LRP12: variants seen among roughly 807,000 people sequenced by gnomAD.
LRP12 encodes LDL receptor related protein 12, also known as low-density lipoprotein receptor-related protein 12.
Under a neutral mutation model 66.0 loss-of-function variants are expected in LRP12, and 14 were observed. The observed-to-expected ratio is 0.21, with a 90% CI of 0.14 to 0.33. The LOEUF is 0.33. LRP12 is among the 10% of genes least tolerant of loss of function. The pLI is 1.00. For synonymous variants in LRP12, 357 were observed against 359.1 expected (o/e 0.99, Z 0.07); for missense variants, 889 against 1,053.4 (o/e 0.84, Z 2.16).
At chr8:104,492,063 C>G (rs1171005360) in intron 6 of LRP12, among the ~76,000 whole-genome samples, 3 of 151,252 alleles carry the variant, frequency 2.0e-5, no homozygotes, top group Non-Finnish European at 2.9e-5. Context: ...AGAGTTGGTT[C>G]TCAAGCATTT....
intron 2 of LRP12, among the ~76,000 whole-genome samples, chr8:104,520,143 T>C (rs1172721090): frequency 6.6e-6 from 1 of 151,998 alleles, no homozygotes; most frequent in Non-Finnish European, 1.5e-5. Context: ...TGGAACTAAC[T>C]AGCCAGCTTC....
rs533372294 is a variant in LRP12, at chr8:104,536,011, T to G, written c.80-4048A>C. 2.0e-5 allele frequency among the ~76,000 whole-genome samples: 3 copies of G among 152,220 alleles called. No individual in the cohort carries two copies. In the South Asian group the frequency reaches 6.2e-4, roughly 32 times the overall value. ...CAGCTTCCTACAATTTCTTTTCTAC[T>G]GCTCAGTGAGAATAGTTATCAAATA... On this transcript the variant is annotated intron_variant, in intron 1 of 6. Transcript: ENST00000276654.
chr8:104,511,886 AGT>A (rs1811004244), intron 2 of LRP12, among the ~76,000 whole-genome samples: 1 of 151,938 alleles, frequency 6.6e-6, no homozygotes, highest in African/African-American at 2.4e-5. Context: ...GCCAAGGCAT[AGT>A]CAAAGCTTCT....
intron 1 of LRP12, among the ~76,000 whole-genome samples, chr8:104,550,813 G>T (rs1811713967): frequency 6.6e-6 from 1 of 152,202 alleles, no homozygotes; most frequent in African/African-American, 2.4e-5. Flanking sequence ...TTTGCTGAAT[G>T]TATAAATAAA....
rs1484618331 is a variant in LRP12 at position 104,547,715 on chromosome 8, T to C, written c.80-15752A>G. 2.6e-4 allele frequency among the ~76,000 whole-genome samples: 33 copies of C among 127,632 alleles called. 1 individual carries two copies. In the South Asian group the frequency reaches 3.3e-3, roughly 13 times the overall value. 83.7% of individuals were successfully genotyped at this position (127,632 alleles called of 152,430 possible). A position where few individuals can be genotyped will look rare whatever the true frequency, so the allele number is the denominator to read the frequency against. ...AAATCATATATTATATATAATTCTA[T>C]ATTATGTTATATTTTGTATATAATA... On this transcript the variant is annotated intron_variant, in intron 1 of 6. Transcript: ENST00000276654.
chr8:104,567,356 C>G (rs919638078), intron 1 of LRP12, among the ~76,000 whole-genome samples: 1 of 152,080 alleles, frequency 6.6e-6, no homozygotes, highest in Non-Finnish European at 1.5e-5. Context: ...GTGGAAACCC[C>G]TCATAAACAC....
chr8:104,532,001 T>A, intron 1 of LRP12, 38 bp from the exon 2 acceptor site: 1 of 1,403,030 alleles, frequency 7.1e-7, no homozygotes, highest in South Asian at 1.3e-5. Flanking sequence ...ATATCCAAGA[T>A]AAAATTACAA....
At chr8:104,538,396 C>A (rs1250327841) in intron 1 of LRP12, among the ~76,000 whole-genome samples, 1 of 152,100 alleles carries the variant, frequency 6.6e-6, no homozygotes, top group East Asian at 1.9e-4. Flanking sequence ...AACACAACCA[C>A]CACAACCCAA....
chr8:104,556,992 A>G (rs1227778947), intron 1 of LRP12, among the ~76,000 whole-genome samples: 1 of 152,228 alleles, frequency 6.6e-6, no homozygotes. Context: ...CACCACATAA[A>G]CAAAAATTAA....
At chr8:104,533,417 A>C (rs1455433658) in intron 1 of LRP12, among the ~76,000 whole-genome samples, 1 of 152,122 alleles carries the variant, frequency 6.6e-6, no homozygotes, top group Admixed American at 6.6e-5. Context: ...GCTACTCACG[A>C]GTAGACTAGC....
intron 1 of LRP12, among the ~76,000 whole-genome samples, chr8:104,548,266 GATATATATTATATTAATATATCAT>G (rs1811645713): frequency 1.1e-5 from 1 of 88,498 alleles, no homozygotes; most frequent in African/African-American, 5.1e-5. Flanking sequence ...ATTAATATAT[GATATATATTATATTAATATATCAT>G]ATATTTATAT....
rs1345183893 is a variant in LRP12 at position 104,496,977 on chromosome 8, T to C, written c.1575A>G (p.Glu525=). 6 of 1,521,466 alleles carry C rather than the reference T, an allele frequency of 3.9e-6. No individual in the cohort carries two copies. The highest frequency in any genetic ancestry group is 5.3e-6 in the Non-Finnish European group (6 of 1,135,524). 94.2% of individuals were successfully genotyped at this position (1,521,466 alleles called of 1,614,324 possible). The part of the protein sequence containing the change: ...TCKLYSLRMF[E]RRSFETQLSR... ...AGTTCTGTCTTGATACTGACCTTCT[T>C]TCAAACATTCTCAGAGAATAAAGCT... The change falls in exon 5 of 7, where the codon GAA becomes GAG. Residue 525 remains glutamate, a synonymous_variant. Coordinates refer to ENST00000276654, the MANE Select transcript of LRP12 (RefSeq NM_013437.5).
At chr8:104,537,570 T>C (rs1366145940) in intron 1 of LRP12, among the ~76,000 whole-genome samples, 1 of 151,952 alleles carries the variant, frequency 6.6e-6, no homozygotes, top group Non-Finnish European at 1.5e-5. Flanking sequence ...ACCTTAGGAG[T>C]AGAGCTAACT....
At chr8:104,544,608 G>C (rs1811528783) in intron 1 of LRP12, among the ~76,000 whole-genome samples, 1 of 152,046 alleles carries the variant, frequency 6.6e-6, no homozygotes, top group African/African-American at 2.4e-5. Context: ...AAAATCCTAG[G>C]GCCCTTAGGA....
chr8:104,547,138 A>G (rs1165044619), intron 1 of LRP12, among the ~76,000 whole-genome samples: 1 of 144,846 alleles, frequency 6.9e-6, no homozygotes, highest in African/African-American at 2.5e-5. Context: ...TTTGTATATA[A>G]TATACAATTC....
At chr8:104,539,678 A>G (rs1282355725) in intron 1 of LRP12, among the ~76,000 whole-genome samples, 8 of 152,188 alleles carry the variant, frequency 5.3e-5, no homozygotes, top group African/African-American at 1.9e-4. Context: ...ATTATGCAAA[A>G]TAATATTTCC....
intron 1 of LRP12, among the ~76,000 whole-genome samples, chr8:104,544,427 T>C (rs34155810): frequency 0.069 from 10,524 of 152,282 alleles, 419 homozygotes; most frequent in South Asian, 0.08. Context: ...AGATTCTCAA[T>C]GTAGATGAAA....
rs530345326 is a variant in LRP12, at chr8:104,518,670, TTATC to T, written c.137-9600_137-9597del. On this transcript the variant is annotated intron_variant, in intron 2 of 6. Transcript: ENST00000276654. The stretch of plus-strand genomic sequence containing the variant: ...AGATTGATTCCTTATTTGCTACACA[TTATC>T]TAAGAACTACAGGCAGAACTGACCA... 5.9e-5 allele frequency among the ~76,000 whole-genome samples: 9 copies of T among 152,192 alleles called. No homozygotes were observed. The East Asian group carries it at 1.5e-3, about 26-fold the overall frequency.
chr8:104,509,128 A>G (rs1311949148), intron 2 of LRP12, 54 bp from the exon 3 acceptor site: 1 of 1,516,118 alleles, frequency 6.6e-7, no homozygotes, highest in African/African-American at 1.4e-5. Flanking sequence ...AAATGGTATT[A>G]GGTAAATCAG....
Sources: allele counts gnomAD v4.1 joint callset (sites outside exome capture counted in the v4.1 genomes callset), GRCh38; gene constraint gnomAD v4.1.1; transcripts MANE v1.5; gene names NCBI Gene and HGNC (gene_info 2026-07-23, HGNC 2026-07-21).